The following LRRC8C variants were observed in gnomAD, a reference collection of about 807,000 sequenced individuals.
LRRC8C encodes volume-regulated anion channel subunit LRRC8C.
Under a neutral mutation model 55.3 loss-of-function variants are expected in LRRC8C, and 20 were observed. That is an observed-to-expected ratio of 0.36 (90% confidence interval 0.25 to 0.53). The LOEUF is 0.53. Ranked by LOEUF, LRRC8C falls within the 20% of genes least tolerant of loss-of-function variation. The pLI is 0.92. For missense variants in LRRC8C, 659 were observed against 951.4 expected (o/e 0.69, Z 4.04); for synonymous variants, 376 against 360.7 (o/e 1.04, Z -0.48).
In LRRC8C at chr1:89,719,237, G is replaced by A. The variant is rs898359866; in HGVS notation, c.*4255G>A. 10 of 152,220 alleles carry A rather than the reference G, an allele frequency of 6.6e-5. No homozygotes were observed. Among genetic ancestry groups the A allele is most frequent in the African/African-American group, 2.4e-4 (10 of 41,526 alleles). The allele number at this position is 152,220 out of a possible 1,614,324, so 9.4% of individuals were successfully genotyped here. On this transcript the variant is annotated 3_prime_UTR_variant, in exon 3 of 3. Transcript: ENST00000370454. ...TCCTATGCATGGTTTTTAATGTGAG[G>A]TAAATTTGTTTCTTTCTTCAGAATA...
chr1:89,657,659 C>G (rs978895350), intron 1 of LRRC8C, among the ~76,000 whole-genome samples: 1 of 150,856 alleles, frequency 6.6e-6, no homozygotes, highest in East Asian at 2.0e-4. Context: ...GAGAATTGCT[C>G]GAACCCGGGA....
chr1:89,633,539 C>A (rs958265395), intron 1 of LRRC8C, among the ~76,000 whole-genome samples: 4 of 152,222 alleles, frequency 2.6e-5, no homozygotes, highest in African/African-American at 9.6e-5. Flanking sequence ...CCCTACCCCA[C>A]CCAATCCGCG....
chr1:89,689,899 C>G (rs1364699156), intron 2 of LRRC8C, among the ~76,000 whole-genome samples: 1 of 151,910 alleles, frequency 6.6e-6, no homozygotes, highest in Non-Finnish European at 1.5e-5. Context: ...CAAGATCGCA[C>G]CATTGCACTG....
At chr1:89,692,809 A>G (rs900076450) in intron 2 of LRRC8C, among the ~76,000 whole-genome samples, 1 of 152,228 alleles carries the variant, frequency 6.6e-6, no homozygotes, top group Non-Finnish European at 1.5e-5. Context: ...ACACTATTCA[A>G]AAACTCAACA....
chr1:89,707,103 G>A (rs778689914), intron 2 of LRRC8C, among the ~76,000 whole-genome samples: 1 of 151,980 alleles, frequency 6.6e-6, no homozygotes, highest in African/African-American at 2.4e-5. Context: ...GATGTCAGTC[G>A]TTCCTAAAGA....
intron 2 of LRRC8C, among the ~76,000 whole-genome samples, chr1:89,702,774 CAATA>C (rs1200380206): frequency 6.6e-6 from 1 of 151,704 alleles, no homozygotes; most frequent in Admixed American, 6.6e-5. Flanking sequence ...ATCAATCAAT[CAATA>C]AAGTAGGTAG....
chr1:89,691,594 T>C (rs1658028930), intron 2 of LRRC8C, among the ~76,000 whole-genome samples: 1 of 152,208 alleles, frequency 6.6e-6, no homozygotes. Flanking sequence ...CTTTATTTAG[T>C]TCCCAGAACA....
At chr1:89,635,623 G>A (rs1355087051) in intron 1 of LRRC8C, among the ~76,000 whole-genome samples, 1 of 152,004 alleles carries the variant, frequency 6.6e-6, no homozygotes, top group Non-Finnish European at 1.5e-5. Flanking sequence ...ATATAAATTT[G>A]TTGTTAACTC....
chr1:89,648,147 ATATGTT>A (rs1378579786), intron 1 of LRRC8C, among the ~76,000 whole-genome samples: 1 of 152,242 alleles, frequency 6.6e-6, no homozygotes, highest in African/African-American at 2.4e-5. Flanking sequence ...GAAGAAAAAA[ATATGTT>A]TATAAATCGA....
chr1:89,660,907 C>T (rs974358755), intron 1 of LRRC8C, among the ~76,000 whole-genome samples: 5 of 152,182 alleles, frequency 3.3e-5, no homozygotes, highest in Non-Finnish European at 7.3e-5. Flanking sequence ...CAGTTTAAAG[C>T]CTGTAATGTG....
intron 1 of LRRC8C, among the ~76,000 whole-genome samples, chr1:89,675,896 A>G (rs568282992): frequency 6.6e-6 from 1 of 152,326 alleles, no homozygotes; most frequent in South Asian, 2.1e-4. Flanking sequence ...GAGAGAGACT[A>G]TAGGTATACT....
At chr1:89,627,339 CG>C in the LRRC8C span, among the ~76,000 whole-genome samples, 8 of 146,146 alleles carry the variant, frequency 5.5e-5, no homozygotes, top group African/African-American at 1.7e-4. Context: ...ACTTATCTAT[CG>C]ACCCATCTGA....
At chr1:89,707,693 A>T (rs1189096828) in intron 2 of LRRC8C, among the ~76,000 whole-genome samples, 1 of 151,742 alleles carries the variant, frequency 6.6e-6, no homozygotes, top group African/African-American at 2.4e-5. Context: ...TTTACTAAAG[A>T]TTTGAGAAAG....
intron 1 of LRRC8C, among the ~76,000 whole-genome samples, chr1:89,680,691 G>A (rs890510269): frequency 2.0e-5 from 3 of 151,366 alleles, no homozygotes; most frequent in African/African-American, 7.3e-5. Context: ...CACATGAGTA[G>A]CTGTGATTAT....
At chr1:89,671,630 A>G (rs993895110) in intron 1 of LRRC8C, among the ~76,000 whole-genome samples, 2 of 152,230 alleles carry the variant, frequency 1.3e-5, no homozygotes, top group Non-Finnish European at 2.9e-5. Flanking sequence ...AGTGCCTGTC[A>G]TGAGAATTTT....
rs535539981 is a variant in LRRC8C, at chr1:89,692,205, TTA to T, written c.138+5596_138+5597del. Among the ~76,000 whole-genome samples the T allele has an allele frequency of 2.0e-4, 31 of 152,348 alleles. No individual in the cohort carries two copies. The South Asian group carries it at 5.6e-3, about 27-fold the overall frequency. ...ATGTTAAAATTGTTAAAATATATTT[TTA>T]TGTCTTGATTTTCCACTTGTAAATT... On this transcript the variant is annotated intron_variant, in intron 2 of 2. Coordinates refer to ENST00000370454, the MANE Select transcript of LRRC8C (RefSeq NM_032270.5).
rs72961885 is a variant in LRRC8C at position 89,685,034 on chromosome 1, T to C, written c.-4-1436T>C. Among the ~76,000 whole-genome samples the C allele has an allele frequency of 8.4e-3, 1,282 of 151,950 alleles. 11 individuals are homozygous for C. Among genetic ancestry groups the C allele is most frequent in the African/African-American group, 0.03 (1,236 of 41,434 alleles). ...AAGACGGAATAGATAACATTGTAAT[T>C]GTTGCCAAAGCTGTAATCAAAGAAG... On this transcript the variant is annotated intron_variant, in intron 1 of 2. Coordinates refer to ENST00000370454, the MANE Select transcript of LRRC8C (RefSeq NM_032270.5).
chr1:89,673,477 G>A (rs1369248278), intron 1 of LRRC8C, among the ~76,000 whole-genome samples: 1 of 152,188 alleles, frequency 6.6e-6, no homozygotes, highest in Non-Finnish European at 1.5e-5. Context: ...GCAACTCCAA[G>A]TGATTTCAAA....
intron 1 of LRRC8C, among the ~76,000 whole-genome samples, chr1:89,682,043 G>A (rs1231660706): frequency 6.6e-6 from 1 of 152,134 alleles, no homozygotes; most frequent in African/African-American, 2.4e-5. Flanking sequence ...CAGGCGTGGT[G>A]GCAGGCGCCT....
Sources: allele counts gnomAD v4.1 joint callset (sites outside exome capture counted in the v4.1 genomes callset), GRCh38; gene constraint gnomAD v4.1.1; transcripts MANE v1.5; gene names NCBI Gene and HGNC (gene_info 2026-07-23, HGNC 2026-07-21).